PTK2: variants seen among roughly 807,000 people sequenced by gnomAD.
The protein encoded by PTK2 is protein tyrosine kinase 2.
A neutral mutation model predicts 150.1 loss-of-function variants in PTK2; 45 were observed. That is an observed-to-expected ratio of 0.30 (90% CI 0.24 to 0.38). The LOEUF is 0.38. PTK2 is among the 10% of genes least tolerant of loss of function. The pLI, the probability that PTK2 is intolerant of heterozygous loss-of-function variation, is 1.00. For missense variants in PTK2, 919 were observed against 1,307.3 expected (o/e 0.70, Z 4.58); for synonymous variants, 432 against 449.2 (o/e 0.96, Z 0.48).
intron 2 of PTK2, among the ~76,000 whole-genome samples, chr8:140,901,828 C>A (rs1312710340): frequency 1.3e-5 from 2 of 151,950 alleles, no homozygotes; most frequent in Non-Finnish European, 2.9e-5. Context: ...CTGCGACAGG[C>A]CCCGGTGTGT....
chr8:140,890,491 A>T, intron 3 of PTK2, 52 bp downstream of exon 3: 1 of 1,454,150 alleles, frequency 6.9e-7, no homozygotes, highest in Non-Finnish European at 9.5e-7. Flanking sequence ...ACATGCCATT[A>T]CATTTTAACC....
intron 31 of PTK2, chr8:140,662,641 C>T (rs1342644942): frequency 1.9e-6 from 1 of 538,952 alleles, no homozygotes; most frequent in South Asian, 2.7e-5. Flanking sequence ...GAATCAATGC[C>T]ACTTACAAAG....
intron 10 of PTK2, among the ~76,000 whole-genome samples, chr8:140,805,594 G>C (rs2100097725): frequency 6.7e-6 from 1 of 148,556 alleles, no homozygotes; most frequent in Non-Finnish European, 1.5e-5. Context: ...TATTCAACAA[G>C]ATTCCTGAGC....
intron 26 of PTK2, among the ~76,000 whole-genome samples, chr8:140,690,449 A>G (rs764556838): frequency 6.6e-6 from 1 of 152,214 alleles, no homozygotes; most frequent in Non-Finnish European, 1.5e-5. Context: ...TAAGAAAACA[A>G]AAGACCCACC....
rs182381665 is a variant in PTK2, at chr8:140,971,522, C to G, written c.-122+29603G>C. ...CAAGACTCAAATTTTTCTAAAAGAG[C>G]CTCCTTCAGTTAACACTGTTACCAA... is the stretch of plus-strand genomic sequence containing the variant. On this transcript the variant is annotated intron_variant, in intron 1 of 31. Coordinates refer to ENST00000522684, the Ensembl canonical transcript of PTK2. Among the ~76,000 whole-genome samples the G allele has an allele frequency of 6.2e-3, 942 of 152,280 alleles. 5 individuals carry two copies. Among genetic ancestry groups the G allele is most frequent in the Admixed American group, 0.011 (172 of 15,302 alleles).
intron 1 of PTK2, among the ~76,000 whole-genome samples, chr8:140,949,660 G>T (rs916960982): frequency 6.6e-6 from 1 of 152,270 alleles, no homozygotes; most frequent in East Asian, 1.9e-4. Context: ...GACAAGCACG[G>T]GAGGGAGGCC....
At chr8:140,859,736 T>C (rs543761852) in intron 5 of PTK2, among the ~76,000 whole-genome samples, 3 of 152,100 alleles carry the variant, frequency 2.0e-5, no homozygotes, top group African/African-American at 4.8e-5. Flanking sequence ...AATTACTGAT[T>C]TATCTGTGCC....
chr8:140,963,301 C>T (rs1469050981), intron 1 of PTK2, among the ~76,000 whole-genome samples: 1 of 152,180 alleles, frequency 6.6e-6, no homozygotes, highest in African/African-American at 2.4e-5. Context: ...TCCTGTTACA[C>T]ATTTCCGGAA....
intron 2 of PTK2, among the ~76,000 whole-genome samples, chr8:140,917,169 T>C (rs929385286): frequency 6.6e-6 from 1 of 152,096 alleles, no homozygotes; most frequent in African/African-American, 2.4e-5. Flanking sequence ...GGTGGGTGGA[T>C]TACTTGAGGT....
chr8:140,954,491 G>A (rs953486353), intron 1 of PTK2, among the ~76,000 whole-genome samples: 1 of 152,128 alleles, frequency 6.6e-6, no homozygotes, highest in African/African-American at 2.4e-5. Context: ...AACTCAGAGT[G>A]TTTATAATGT....
chr8:140,761,388 C>G, intron 15 of PTK2, 126 bp from the exon 19 acceptor site: 1 of 798,966 alleles, frequency 1.3e-6, no homozygotes. Flanking sequence ...TATGAAAATG[C>G]TTTAAACACA....
chr8:140,673,039 A>G (rs1271617698), intron 29 of PTK2, among the ~76,000 whole-genome samples: 1 of 152,218 alleles, frequency 6.6e-6, no homozygotes, highest in Non-Finnish European at 1.5e-5. Flanking sequence ...TTGGTAAAGC[A>G]AAGTTTATCT....
intron 20 of PTK2, 130 bp from the exon 24 acceptor site, chr8:140,739,237 G>C (rs772784917): frequency 4.0e-6 from 2 of 505,634 alleles, no homozygotes; most frequent in East Asian, 6.6e-5. Context: ...CCATTTATTT[G>C]GGAGAACTAC....
chr8:140,684,324 C>A (rs916639127), intron 27 of PTK2, among the ~76,000 whole-genome samples: 9 of 152,224 alleles, frequency 5.9e-5, no homozygotes, highest in African/African-American at 2.2e-4. Context: ...GCGCAGTTCA[C>A]AATAGGGTTC....
intron 29 of PTK2, chr8:140,670,003 T>C (rs1329128399): frequency 1.1e-5 from 5 of 455,752 alleles, no homozygotes; most frequent in African/African-American, 5.9e-5. Flanking sequence ...GCAGGGAACA[T>C]GCAAAGCCCG....
At chr8:140,752,055 T>C in intron 17 of PTK2, 177 bp downstream of exon 20, 2 of 700,666 alleles carry the variant, frequency 2.9e-6, no homozygotes, top group South Asian at 3.1e-5. Flanking sequence ...ATGGTTTACC[T>C]GGAAAAATCT....
chr8:140,799,627 GAAC>G (rs2154592820), intron 12 of PTK2, among the ~76,000 whole-genome samples: 1 of 152,234 alleles, frequency 6.6e-6, no homozygotes, highest in South Asian at 2.1e-4. Context: ...GCAACAACAG[GAAC>G]AACAATACAA....
chr8:140,680,217 C>T (rs906105635), intron 27 of PTK2, among the ~76,000 whole-genome samples: 1 of 152,100 alleles, frequency 6.6e-6, no homozygotes, highest in Non-Finnish European at 1.5e-5. Flanking sequence ...CATGTGTCAT[C>T]TGATTGTCTT....
At chr8:140,810,292 C>T (rs1460109058) in intron 10 of PTK2, among the ~76,000 whole-genome samples, 1 of 152,246 alleles carries the variant, frequency 6.6e-6, no homozygotes, top group Non-Finnish European at 1.5e-5. Flanking sequence ...CAGGGAAGCC[C>T]TGACTTGCTC....
Sources: allele counts gnomAD v4.1 joint callset (sites outside exome capture counted in the v4.1 genomes callset), GRCh38; gene constraint gnomAD v4.1.1; transcripts MANE v1.5; gene names NCBI Gene and HGNC (gene_info 2026-07-23, HGNC 2026-07-21).